The following UBA52 variants were observed in gnomAD, a reference collection of about 807,000 sequenced individuals.
UBA52 encodes the protein ubiquitin A-52 residue ribosomal protein fusion product 1, also known as ubiquitin-ribosomal protein eL40 fusion protein.
UBA52 carries 1 observed loss-of-function variant against 15.3 expected under a neutral mutation model. That is an observed-to-expected ratio of 0.07 (90% CI 0.02 to 0.31). UBA52 has a LOEUF of 0.31. Among genes scored for constraint, UBA52 ranks in the 10% least tolerant of loss-of-function variants. The probability of loss-of-function intolerance (pLI) is 1.00; values close to 1 mark genes in which losing one functional copy is unlikely to be tolerated. For missense variants in UBA52, 87 were observed against 168.0 expected, an observed-to-expected ratio of 0.52 and a Z score of 2.66; for synonymous variants, 50 against 58.3, an observed-to-expected ratio of 0.86 and a Z score of 0.65.
chr19:18,575,462 A>T lies in UBA52; in HGVS notation c.*312A>T, dbSNP rs1229708530. ...CGTGTAATTGGTGGGACTGAGGATC[A>T]GTTTTGTCATTGCTGGGATCCTGTC... On this transcript the variant is annotated 3_prime_UTR_variant, in exon 5 of 5. Coordinates refer to ENST00000442744, the MANE Select transcript of UBA52 (RefSeq NM_001033930.3). The T allele has an allele frequency of 1.8e-5, 7 of 394,542 alleles. No homozygotes were observed. The Admixed American group carries it at 2.0e-4, about 11-fold the overall frequency. The allele number at this position is 394,542 out of a possible 1,614,324, so 24.4% of individuals were successfully genotyped here.
At chr19:18,572,514 G>A (rs1427024117) in intron 1 of UBA52, 1 of 152,272 alleles carries the variant, frequency 6.6e-6, no homozygotes, top group African/African-American at 2.4e-5. Context: ...AGTTTTAGTA[G>A]AGACGGAGTT....
the UBA52 span, among the ~76,000 whole-genome samples, chr19:18,566,413 G>A: frequency 1.2e-5 from 1 of 85,792 alleles, no homozygotes; most frequent in African/African-American, 4.5e-5. Flanking sequence ...CCGAGATCGC[G>A]CCACTGCACT....
chr19:18,571,836 G>A (rs1459505410), upstream of UBA52: 4 of 152,430 alleles, frequency 2.6e-5, no homozygotes, highest in Admixed American at 2.0e-4. Flanking sequence ...GCGGCGATTA[G>A]GTGGTTTCCG....
intron 3 of UBA52, among the ~76,000 whole-genome samples, chr19:18,574,595 G>A (rs1600625212): frequency 6.6e-6 from 1 of 152,132 alleles, no homozygotes; most frequent in African/African-American, 2.4e-5. Context: ...CTTAGAGGTC[G>A]GCTTCCATGT....
chr19:18,564,845 C>T, the UBA52 span: 3 of 1,612,428 alleles, frequency 1.9e-6, no homozygotes, highest in African/African-American at 4.0e-5. Flanking sequence ...GGCAGTGAAG[C>T]TCATGCCCTC....
chr19:18,564,616 C>T, the UBA52 span, among the ~76,000 whole-genome samples: 122 of 152,232 alleles, frequency 8.0e-4, no homozygotes, highest in Non-Finnish European at 1.4e-3. Flanking sequence ...AAGCAAGACT[C>T]TGTCTCAAAA....
In UBA52 at chr19:18,577,237, CAG is replaced by C. The variant is rs1975825204; in HGVS notation, c.*2088_*2089del. On this transcript the variant is annotated 3_prime_UTR_variant, in exon 5 of 5. Transcript: ENST00000442744. ...ACTTTCACAAAAGACCCCCATGACT[CAG>C]GGTTTTGAGTTCTTAACTGATCGAA... The C allele has an allele frequency of 6.6e-6, 1 of 151,990 alleles. No individual in the cohort carries two copies. The highest frequency in any genetic ancestry group is 2.4e-5 in the African/African-American group (1 of 41,350). 9.4% of individuals were successfully genotyped at this position (151,990 alleles called of 1,614,324 possible).
upstream of UBA52, chr19:18,569,093 G>C (rs942706270): frequency 6.0e-6 from 1 of 167,846 alleles, no homozygotes; most frequent in Non-Finnish European, 1.3e-5. Context: ...CCCTTGCTCC[G>C]TAAAAGTATC....
At chr19:18,569,736 G>T (rs114374919), upstream of UBA52, among the ~76,000 whole-genome samples, 1,087 of 151,512 alleles carry the variant, frequency 7.2e-3, 11 homozygotes, top group African/African-American at 0.025. Context: ...TGAGTACTTA[G>T]AAATTATGTT....
chr19:18,576,245 CCT>C lies in UBA52; in HGVS notation c.*1101_*1102del, dbSNP rs1307900893. Reference sequence around the variant, plus strand: ...ACCCTGGAACTCAGGCTTGGGTGATCCTCTCTCCTTTGCCTCCGAAGTAGCCA... The same window carrying C: ...ACCCTGGAACTCAGGCTTGGGTGATCCTCTCCTTTGCCTCCGAAGTAGCCA... On this transcript the variant is annotated 3_prime_UTR_variant, in exon 5 of 5. Coordinates refer to ENST00000442744, the MANE Select transcript of UBA52 (RefSeq NM_001033930.3). 6.6e-6 allele frequency: 1 copy of C among 152,176 alleles called. No individual in the cohort carries two copies. Among genetic ancestry groups the C allele is most frequent in the East Asian group, 1.9e-4 (1 of 5,198 alleles). 9.4% of individuals were successfully genotyped at this position (152,176 alleles called of 1,614,324 possible).
At chr19:18,573,769 G>A (rs1381325829) in intron 3 of UBA52, 21 bp downstream of exon 3, 1 of 1,611,738 alleles carries the variant, frequency 6.2e-7, no homozygotes, top group Non-Finnish European at 8.5e-7. Context: ...TGGGGTTGCT[G>A]GGCAGGGACC....
In UBA52 at chr19:18,575,064, G is replaced by T. The variant is rs751444016; in HGVS notation, c.301G>T (p.Ala101Ser). The T allele has an allele frequency of 4.3e-6, 7 of 1,614,092 alleles. No homozygotes were observed. Among genetic ancestry groups the T allele is most frequent in the Non-Finnish European group, 5.9e-6 (7 of 1,180,046 alleles). Residue 101 changes from alanine to serine, a missense_variant, in exon 5 of 5, where the codon GCT (alanine) becomes TCT (serine). Coordinates refer to ENST00000442744, the MANE Select transcript of UBA52 (RefSeq NM_001033930.3). ...CCTCCTGTCTCTGTGCAGGTGCTAT[G>T]CTCGCCTTCACCCTCGTGCTGTCAA... ...CDKMICRKCY[A>S]RLHPRAVNCR...
At chr19:18,567,358 G>C, upstream of UBA52, 1 of 662,906 alleles carries the variant, frequency 1.5e-6, no homozygotes, top group East Asian at 2.7e-5. Context: ...GCAGCTGGCA[G>C]AGTGGGCACT....
At position 18,576,444 on chromosome 19, in the gene UBA52, TCA is replaced by T. The variant is rs1383168714; in HGVS notation, c.*1296_*1297del. 2 of 152,120 alleles carry T rather than the reference TCA, an allele frequency of 1.3e-5. No homozygotes were observed. Among genetic ancestry groups the T allele is most frequent in the Non-Finnish European group, 2.9e-5 (2 of 68,032 alleles). 9.4% of individuals were successfully genotyped at this position (152,120 alleles called of 1,614,324 possible). Reference sequence around the variant, plus strand: ...ACTGATTTAAAATTTTGAGACAGTCTCACTGTCACCCAGGTTGGGGTGCAGTG... The same window carrying T: ...ACTGATTTAAAATTTTGAGACAGTCTCTGTCACCCAGGTTGGGGTGCAGTG... On this transcript the variant is annotated 3_prime_UTR_variant, in exon 5 of 5. Transcript: ENST00000442744.
At chr19:18,574,567 C>T (rs906905688) in intron 3 of UBA52, among the ~76,000 whole-genome samples, 4 of 152,186 alleles carry the variant, frequency 2.6e-5, no homozygotes, top group Non-Finnish European at 5.9e-5. Flanking sequence ...ACTTCAGTGT[C>T]TGACCTTGCC....
At chr19:18,568,547 C>G, upstream of UBA52, 13 of 1,613,958 alleles carry the variant, frequency 8.1e-6, no homozygotes, top group Non-Finnish European at 1.1e-5. Context: ...GCCCCGGCTT[C>G]GAGGACCTGT....
At chr19:18,567,850 G>A (rs972586036), upstream of UBA52, among the ~76,000 whole-genome samples, 1 of 152,198 alleles carries the variant, frequency 6.6e-6, no homozygotes, top group Non-Finnish European at 1.5e-5. Flanking sequence ...GTAGTGCAGT[G>A]AGCCAGGTTC....
At chr19:18,574,533 C>T (rs1038632103) in intron 3 of UBA52, among the ~76,000 whole-genome samples, 1 of 152,132 alleles carries the variant, frequency 6.6e-6, no homozygotes, top group Non-Finnish European at 1.5e-5. Flanking sequence ...GGATTACAGG[C>T]GTGAGCCATG....
chr19:18,572,661 T>A, intron 1 of UBA52: 1 of 390,112 alleles, frequency 2.6e-6, no homozygotes, highest in Non-Finnish European at 3.5e-6. Flanking sequence ...AACTTTTATA[T>A]GTGAACAATG....
Sources: allele counts gnomAD v4.1 joint callset (sites outside exome capture counted in the v4.1 genomes callset), GRCh38; gene constraint gnomAD v4.1.1; transcripts MANE v1.5; gene names NCBI Gene and HGNC (gene_info 2026-07-23, HGNC 2026-07-21).